Variants in CTH observed in about 807,000 individuals in gnomAD.
CTH encodes cystathionine gamma-lyase.
Under a neutral mutation model 50.6 loss-of-function variants are expected in CTH, and 41 were observed. The ratio of observed to expected loss-of-function variants is 0.81; its 90% CI spans 0.63 to 1.05. The LOEUF (loss-of-function observed/expected upper bound fraction) is 1.05, where lower values mean the gene tolerates loss of function less well. CTH is among the 50% of genes least tolerant of loss of function. CTH has a pLI of 0.00. For synonymous variants in CTH, 156 were observed against 168.9 expected, an observed-to-expected ratio of 0.92 and a Z score of 0.59; for missense variants, 470 against 492.6, an observed-to-expected ratio of 0.95 and a Z score of 0.43.
chr1:70,424,461 T>C, intron 5 of CTH, 45 bp downstream of exon 5: 1 of 1,611,230 alleles, frequency 6.2e-7, no homozygotes, highest in Non-Finnish European at 8.5e-7. Context: ...AGACCACATA[T>C]ATCTGTAATT....
At chr1:70,422,010 T>G (rs1300455764) in intron 4 of CTH, among the ~76,000 whole-genome samples, 1 of 152,204 alleles carries the variant, frequency 6.6e-6, no homozygotes, top group Non-Finnish European at 1.5e-5. Context: ...TCAAATGAGA[T>G]AATGAATATG....
At chr1:70,418,884 G>A (rs1023139300) in intron 3 of CTH, among the ~76,000 whole-genome samples, 4 of 151,902 alleles carry the variant, frequency 2.6e-5, no homozygotes, top group African/African-American at 4.8e-5. Flanking sequence ...GGATTGAACC[G>A]CTGAAGCCCA....
rs144875036 is a variant in CTH at position 70,438,807 on chromosome 1, A to G, written c.1172A>G (p.Asp391Gly). ...EDEEDLLEDL[D>G]QALKAAHPPS... Reference sequence around the variant, plus strand: ...GAGGAAGACCTACTGGAAGATCTAGATCAAGCTTTGAAGGCAGCAGTAAGT... The same window carrying G: ...GAGGAAGACCTACTGGAAGATCTAGGTCAAGCTTTGAAGGCAGCAGTAAGT... The change falls in exon 11 of 12, where the codon GAT becomes GGT. Residue 391 changes from aspartate (D) to glycine (G), a missense_variant. Coordinates refer to ENST00000370938, the MANE Select transcript of CTH (RefSeq NM_001902.6). The G allele has an allele frequency of 1.2e-6, 2 of 1,613,304 alleles. No individual in the cohort carries two copies. The highest frequency in any genetic ancestry group is 2.7e-5 in the African/African-American group (2 of 74,702).
In CTH at chr1:70,412,912, A is replaced by G. The variant is rs144490548; in HGVS notation, c.168+1329A>G. Among the ~76,000 whole-genome samples the G allele has an allele frequency of 3.0e-3, 450 of 152,344 alleles. 3 individuals carry two copies. Among genetic ancestry groups the G allele is most frequent in the Non-Finnish European group, 4.7e-3 (320 of 68,042 alleles). ...AGGACAGGTATTATGTACTTTTTAT[A>G]GAAAAGGAACTGACACAGAGTCATA... On this transcript the variant is annotated intron_variant, in intron 1 of 11. Transcript: ENST00000370938.
rs906602385 is a variant in CTH at position 70,435,134 on chromosome 1, C to T, written c.1009C>T (p.Leu337=). 4 of 1,612,832 alleles carry T rather than the reference C, an allele frequency of 2.5e-6. No individual in the cohort carries two copies. The highest frequency in any genetic ancestry group is 3.4e-6 in the Non-Finnish European group (4 of 1,179,398). ...IFLKNLKLFT[L]AESLGGFESL... The stretch of plus-strand genomic sequence containing the variant: ...GTTTTCTTTGCTATAGCTATTTACT[C>T]TGGCCGAGAGCTTGGGAGGATTCGA... Residue 337 remains leucine, a synonymous_variant, in exon 10 of 12, where the codon CTG becomes TTG. Transcript: ENST00000370938.
rs59410935 is a variant in CTH at position 70,428,598 on chromosome 1, ATATTTATT to A, written c.589-1174_589-1167del. Among the ~76,000 whole-genome samples, 865 of 150,222 alleles carry A rather than the reference ATATTTATT, an allele frequency of 5.8e-3. 4 individuals are homozygous for A. Among genetic ancestry groups the A allele is most frequent in the African/African-American group, 0.011 (461 of 40,770 alleles). ...TTTCTTAATTCTCCCAGTTTCAGAC[ATATTTATT>A]TATTTATTTATTTATTTATTTGAGA... is the stretch of plus-strand genomic sequence containing the variant. On this transcript the variant is annotated intron_variant, in intron 5 of 11. Transcript: ENST00000370938.
At position 70,438,868 on chromosome 1, in the gene CTH, G is replaced by GTGTA. The variant is rs1684657760; in HGVS notation, c.1191+43_1191+44insGTAT. On this transcript the variant is annotated intron_variant, in intron 11 of 11. Transcript: ENST00000370938. ...TGTGTGTGTGTGTGTGTGTGTGTGT[G>GTGTA]TCTGCTTTATCTTGGGCATGGGGGG... 1.9e-6 allele frequency: 3 copies of GTGTA among 1,610,126 alleles called. No individual in the cohort carries two copies. The Admixed American group carries it at 5.0e-5, about 27-fold the overall frequency.
chr1:70,422,209 A>G (rs1572258646), intron 4 of CTH, among the ~76,000 whole-genome samples: 1 of 152,200 alleles, frequency 6.6e-6, no homozygotes, highest in African/African-American at 2.4e-5. Context: ...GCTGTAAGGG[A>G]TGCTGCCCAG....
Position 70,439,441 on chromosome 1 carries a change from G to A in CTH, c.*314G>A. 1 of 320,156 alleles carries A rather than the reference G, an allele frequency of 3.1e-6. No homozygotes were observed. Among genetic ancestry groups the A allele is most frequent in the African/African-American group, 2.1e-5 (1 of 47,330 alleles). 19.8% of individuals were successfully genotyped at this position (320,156 alleles called of 1,614,324 possible). On this transcript the variant is annotated 3_prime_UTR_variant, in exon 12 of 12. Transcript: ENST00000370938. ...CATGTCTAAGATTTATTTTGATCAT[G>A]TTTATAATATAATGGTAATTCATTT...
chr1:70,430,461 A>G, intron 7 of CTH, 67 bp downstream of exon 7: 1 of 820,282 alleles, frequency 1.2e-6, no homozygotes, highest in Non-Finnish European at 2.2e-6. Context: ...TTGTATTTCC[A>G]CTAAGTGATG....
chr1:70,439,292 G>T lies in CTH; in HGVS notation c.*165G>T, dbSNP rs1684669024. The stretch of plus-strand genomic sequence containing the variant: ...TCTTAGGGATCATCTCTGTTAAAAA[G>T]TTTTCTGTATGTCATGTTATAATTA... On this transcript the variant is annotated 3_prime_UTR_variant, in exon 12 of 12. Coordinates refer to ENST00000370938, the MANE Select transcript of CTH (RefSeq NM_001902.6). The T allele has an allele frequency of 1.5e-6, 1 of 667,024 alleles. No homozygotes were observed. Among genetic ancestry groups the T allele is most frequent in the Non-Finnish European group, 2.7e-6 (1 of 373,622 alleles). The allele number at this position is 667,024 out of a possible 1,614,324, so 41.3% of individuals were successfully genotyped here. A position where few individuals can be genotyped will look rare whatever the true frequency, so the allele number is the denominator to read the frequency against.
At chr1:70,414,372 T>A (rs555039852) in intron 1 of CTH, among the ~76,000 whole-genome samples, 182 of 151,698 alleles carry the variant, frequency 1.2e-3, no homozygotes, top group African/African-American at 4.2e-3. Context: ...AAATTAGCTG[T>A]GTGTGGTGGC....
chr1:70,413,563 T>A (rs532409045), intron 1 of CTH, among the ~76,000 whole-genome samples: 5 of 149,728 alleles, frequency 3.3e-5, no homozygotes, highest in Non-Finnish European at 5.9e-5. Flanking sequence ...GGCGCCCGGC[T>A]CACAGCCTCT....
At chr1:70,417,615 T>C (rs536326294) in intron 2 of CTH, among the ~76,000 whole-genome samples, 1 of 152,354 alleles carries the variant, frequency 6.6e-6, no homozygotes, top group African/African-American at 2.4e-5. Flanking sequence ...ATTTTTAAAC[T>C]GTAGTTTAAC....
At chr1:70,416,551 C>A (rs1424741356) in intron 2 of CTH, among the ~76,000 whole-genome samples, 1 of 150,102 alleles carries the variant, frequency 6.7e-6, no homozygotes, top group African/African-American at 2.4e-5. Context: ...CACCACCACA[C>A]CCTGCTAATT....
chr1:70,417,968 T>C lies in CTH; in HGVS notation c.282T>C (p.Thr94=). ...CLAFASGLAA[T]VTITHLLKAG... ...CCTTTGCTTCAGGTTTAGCAGCCAC[T>C]GTAACTATTACCCATCTTTTAAAAG... The change falls in exon 3 of 12, where the codon ACT becomes ACC. Residue 94 remains threonine, a synonymous_variant. Coordinates refer to ENST00000370938, the MANE Select transcript of CTH (RefSeq NM_001902.6). 1 of 1,614,174 alleles carries C rather than the reference T, an allele frequency of 6.2e-7. No individual in the cohort carries two copies. The highest frequency in any genetic ancestry group is 8.5e-7 in the Non-Finnish European group (1 of 1,180,008).
Position 70,421,595 on chromosome 1 carries a change from T to C in CTH, c.376T>C (p.Ser126Pro). The change falls in exon 4 of 12, where the codon TCT (serine) becomes CCT (proline). Residue 126 changes from serine (S) to proline (P), a missense_variant. By Grantham distance (74) the Ser-to-Pro change is moderately conservative (BLOSUM62 -1). Transcript: ENST00000370938. ...AAACAGGTACTTCAGGCAAGTGGCA[T>C]CTGAATTTGGATTAAAGATTTCTTT... The part of the protein sequence containing the change: ...GTNRYFRQVA[S>P]EFGLKISFVD... 2 of 1,613,942 alleles carry C rather than the reference T, an allele frequency of 1.2e-6. No homozygotes were observed. The highest frequency in any genetic ancestry group is 1.7e-6 in the Non-Finnish European group (2 of 1,179,908).
At chr1:70,435,048 G>T in intron 9 of CTH, 77 bp from the exon 10 acceptor site, 1 of 1,372,492 alleles carries the variant, frequency 7.3e-7, no homozygotes, top group Non-Finnish European at 9.9e-7. Flanking sequence ...ACTGTGCCTG[G>T]CCTAAAAACA....
chr1:70,418,058 C>G (rs779347161), intron 3 of CTH, 26 bp downstream of exon 3: 60 of 1,609,328 alleles, frequency 3.7e-5, no homozygotes, highest in Non-Finnish European at 4.3e-5. Context: ...CATTTATATT[C>G]TGTAAACTTG....
Sources: gnomAD v4.1 joint callset for allele counts (sites outside exome capture counted in the v4.1 genomes callset) on GRCh38, gnomAD v4.1.1 for gene constraint, MANE v1.5 for transcripts, NCBI Gene and HGNC (gene_info 2026-07-23, HGNC 2026-07-21) for gene names.